MTCL1: variants seen among roughly 807,000 people sequenced by gnomAD.
MTCL1 encodes the protein microtubule cross-linking factor 1.
A neutral mutation model predicts 141.4 loss-of-function variants in MTCL1; 79 were observed. That is an observed-to-expected ratio of 0.56 (90% CI 0.47 to 0.67). The LOEUF is 0.67. MTCL1 is among the 30% of genes least tolerant of loss of function. MTCL1 has a pLI of 0.00. For synonymous variants in MTCL1, 914 were observed against 875.8 expected, an observed-to-expected ratio of 1.04 and a Z score of -0.77; for missense variants, 2,177 against 2,113.9, an observed-to-expected ratio of 1.03 and a Z score of -0.59.
intron 4 of MTCL1, among the ~76,000 whole-genome samples, chr18:8,726,520 A>AGG (rs2096215075): frequency 8.5e-6 from 1 of 117,956 alleles, no homozygotes; most frequent in South Asian, 2.7e-4. Flanking sequence ...AGAGCGAGCG[A>AGG]GAGAGAGCGA....
intron 14 of MTCL1, among the ~76,000 whole-genome samples, chr18:8,823,073 A>G (rs2076898957): frequency 1.3e-5 from 2 of 151,900 alleles, no homozygotes; most frequent in Admixed American, 1.3e-4. Flanking sequence ...AAATATCCAA[A>G]GTGGAAACTG....
chr18:8,739,657 G>A (rs1567963283), intron 4 of MTCL1, among the ~76,000 whole-genome samples: 1 of 152,216 alleles, frequency 6.6e-6, no homozygotes, highest in Non-Finnish European at 1.5e-5. Context: ...GGAGGTCTGT[G>A]TGTGGGTTTT....
exon 1 of MTCL1, chr18:8,706,283 G>T: frequency 8.1e-7 from 1 of 1,229,598 alleles, no homozygotes; most frequent in Non-Finnish European, 1.0e-6. Context: ...CACACGGACA[G>T]CAGCTCCGAC....
intron 4 of MTCL1, among the ~76,000 whole-genome samples, chr18:8,769,791 C>G (rs1470493115): frequency 6.6e-6 from 1 of 152,192 alleles, no homozygotes; most frequent in Non-Finnish European, 1.5e-5. Flanking sequence ...CAAAGTGTCT[C>G]AATGTAATTT....
intron 1 of MTCL1, among the ~76,000 whole-genome samples, chr18:8,712,075 C>T (rs979312290): frequency 5.9e-5 from 9 of 152,228 alleles, no homozygotes; most frequent in African/African-American, 2.2e-4. Flanking sequence ...CATAACCCCA[C>T]ACCTCCCCCA....
intron 4 of MTCL1, among the ~76,000 whole-genome samples, chr18:8,731,688 T>C (rs2096251483): frequency 6.6e-6 from 1 of 151,512 alleles, no homozygotes; most frequent in Non-Finnish European, 1.5e-5. Flanking sequence ...ATGGGAAAAA[T>C]AGAAACTACT....
upstream of MTCL1, among the ~76,000 whole-genome samples, chr18:8,716,568 C>CTTTTTTTTTTTTTTTTTTTT (rs1567928941): frequency 9.2e-6 from 1 of 108,892 alleles, no homozygotes; most frequent in African/African-American, 3.4e-5. Context: ...TCTTTTTGTT[C>CTTTTTTTTTTTTTTTTTTTT]ATTTTTTTTT....
At chr18:8,819,174 A>C in exon 13 of MTCL1, 1 of 1,614,154 alleles carries the variant, frequency 6.2e-7, no homozygotes, top group African/African-American at 1.3e-5. Context: ...GAGAATCTCT[A>C]CCTGGATGCC....
chr18:8,784,992 C>T, intron 6 of MTCL1, 149 bp downstream of exon 5: 2 of 544,280 alleles, frequency 3.7e-6, no homozygotes, highest in Non-Finnish European at 5.8e-6. Flanking sequence ...CAACCGGATC[C>T]TCTCTCTTGG....
chr18:8,739,224 A>G (rs2096289071), intron 4 of MTCL1, among the ~76,000 whole-genome samples: 1 of 152,122 alleles, frequency 6.6e-6, no homozygotes. Context: ...CAGACTGGGC[A>G]ACAGAGTGAG....
chr18:8,776,579 T>C (rs1023978599), intron 4 of MTCL1, among the ~76,000 whole-genome samples: 1 of 152,166 alleles, frequency 6.6e-6, no homozygotes, highest in Non-Finnish European at 1.5e-5. Context: ...ATGAGCTTTG[T>C]AAGATCTTTA....
chr18:8,705,746 T>A lies in MTCL1; in HGVS notation c.86T>A (p.Leu29His). Residue 29 changes from leucine to histidine, a missense_variant, in exon 1 of 14, where the codon CTC becomes CAC. Leu to His is a moderately conservative substitution (Grantham distance 99). Transcript: ENST00000306329. The surrounding 1 kb of genome is among the most constrained non-coding windows in gnomAD (Gnocchi z 5.2). ...GGCCAGCACCACCGCCACCACCACCTCCACCCGGTGGCCGAAAGGCGGCGG... is the reference window on the plus strand; with the variant it reads ...GGCCAGCACCACCGCCACCACCACCACCACCCGGTGGCCGAAAGGCGGCGG... 1.7e-6 allele frequency: 2 copies of A among 1,203,358 alleles called. No homozygotes were observed. The highest frequency in any genetic ancestry group is 2.9e-4 in the Middle Eastern group (1 of 3,422). The allele number at this position is 1,203,358 out of a possible 1,614,324, so 74.5% of individuals were successfully genotyped here.
At chr18:8,785,974 G>T (rs201941632) in exon 7 of MTCL1, 2 of 1,601,132 alleles carry the variant, frequency 1.2e-6, no homozygotes, top group African/African-American at 2.7e-5. Context: ...AGCTCGGGCC[G>T]GCCCGAGGGG....
At chr18:8,832,370 G>T (rs1265083746) in exon 17 of MTCL1, 1 of 156,304 alleles carries the variant, frequency 6.4e-6, no homozygotes, top group Non-Finnish European at 1.4e-5. Flanking sequence ...TGCTGGAGGG[G>T]ATACAGGATG....
chr18:8,800,225 C>T (rs1598726513), intron 10 of MTCL1, among the ~76,000 whole-genome samples: 1 of 152,344 alleles, frequency 6.6e-6, no homozygotes, highest in Non-Finnish European at 1.5e-5. Context: ...AGCCAGGGTA[C>T]GTGTCTCACA....
At chr18:8,829,931 G>C (rs768850865) in intron 16 of MTCL1, 5 of 985,174 alleles carry the variant, frequency 5.1e-6, no homozygotes, top group Non-Finnish European at 4.8e-6. Context: ...CTGGCAAAGA[G>C]GGGGTACTGA....
chr18:8,799,464 A>T (rs114753924), intron 10 of MTCL1, among the ~76,000 whole-genome samples: 109 of 152,382 alleles, frequency 7.2e-4, no homozygotes, highest in African/African-American at 2.5e-3. Context: ...AGGAACTTTT[A>T]TTCACAGCCA....
At chr18:8,771,343 C>G (rs1303942103) in intron 4 of MTCL1, among the ~76,000 whole-genome samples, 1 of 152,148 alleles carries the variant, frequency 6.6e-6, no homozygotes, top group Non-Finnish European at 1.5e-5. Flanking sequence ...AAGAAGACCT[C>G]TGCACCTTCA....
At chr18:8,769,041 C>T (rs984658346) in intron 4 of MTCL1, among the ~76,000 whole-genome samples, 3 of 152,162 alleles carry the variant, frequency 2.0e-5, no homozygotes, top group Non-Finnish European at 4.4e-5. Context: ...GTGATCCACC[C>T]GCCTTGGCCT....
Sources: gnomAD v4.1 joint callset for allele counts (sites outside exome capture counted in the v4.1 genomes callset) on GRCh38, gnomAD v4.1.1 for gene constraint, Gnocchi (gnomAD v3.1) non-coding constraint, MANE v1.5 for transcripts, NCBI Gene and HGNC (gene_info 2026-07-23, HGNC 2026-07-21) for gene names.